Variants in LARGE1 observed in about 807,000 individuals in gnomAD.
LARGE1 encodes xylosyl- and glucuronyltransferase LARGE1.
In LARGE1, 43 loss-of-function variants were observed where a neutral mutation model predicts 87.6. That is an observed-to-expected ratio of 0.49 (90% CI 0.38 to 0.63). The LOEUF is 0.63. LARGE1 is among the 30% of genes least tolerant of loss of function. The probability of loss-of-function intolerance (pLI) is 0.00; values close to 1 mark genes in which losing one functional copy is unlikely to be tolerated. For synonymous variants in LARGE1, 434 were observed against 394.6 expected (o/e 1.10, Z -1.18); for missense variants, 802 against 1,000.2 (o/e 0.80, Z 2.67).
chr22:33,736,381 T>C (rs563481988), intron 2 of LARGE1, among the ~76,000 whole-genome samples: 13 of 152,332 alleles, frequency 8.5e-5, no homozygotes, highest in African/African-American at 3.1e-4. Context: ...ATTTCCCCAA[T>C]AACTAATGAT....
chr22:33,325,130 A>T (rs1937125764), intron 10 of LARGE1, among the ~76,000 whole-genome samples: 1 of 152,244 alleles, frequency 6.6e-6, no homozygotes, highest in African/African-American at 2.4e-5. Context: ...ACTCACTACA[A>T]TGCCTAGTTG....
At chr22:33,723,365 T>C (rs947929150) in intron 2 of LARGE1, among the ~76,000 whole-genome samples, 1 of 152,050 alleles carries the variant, frequency 6.6e-6, no homozygotes, top group Non-Finnish European at 1.5e-5. Flanking sequence ...CATCTTTCTT[T>C]CTCCCAAGAA....
the LARGE1 span, among the ~76,000 whole-genome samples, chr22:33,127,169 G>A: frequency 8.2e-4 from 125 of 152,266 alleles, no homozygotes; most frequent in African/African-American, 2.9e-3. Flanking sequence ...GAACGCATAG[G>A]AGCAAGTGAG....
chr22:33,520,265 G>T (rs1229853485), intron 6 of LARGE1, among the ~76,000 whole-genome samples: 1 of 151,918 alleles, frequency 6.6e-6, no homozygotes, highest in African/African-American at 2.4e-5. Flanking sequence ...GTACTGATGG[G>T]GGGTCTCACT....
At chr22:33,857,246 T>C (rs2063781746) in intron 1 of LARGE1, among the ~76,000 whole-genome samples, 2 of 152,186 alleles carry the variant, frequency 1.3e-5, no homozygotes, top group Admixed American at 6.5e-5. Context: ...TAAAGGTTCA[T>C]GGGGCAGACA....
rs187970150 is a variant in LARGE1 at position 33,915,118 on chromosome 22, C to G, written c.-83+4877G>C. Among the ~76,000 whole-genome samples the G allele has an allele frequency of 1.3e-3, 195 of 151,124 alleles. 1 individual carries two copies. The highest frequency in any genetic ancestry group is 4.6e-3 in the African/African-American group (188 of 41,162). On this transcript the variant is annotated intron_variant, in intron 1 of 14. Coordinates refer to ENST00000397394, the MANE Select transcript of LARGE1 (RefSeq NM_133642.5). ...CTGGCTGCTGTTTCTAAAAACTATA[C>G]TAAATATACCTGGCCCTGGAGACTG... is the stretch of plus-strand genomic sequence containing the variant.
At chr22:33,774,885 G>C (rs1397511083) in intron 1 of LARGE1, among the ~76,000 whole-genome samples, 1 of 152,172 alleles carries the variant, frequency 6.6e-6, no homozygotes, top group Non-Finnish European at 1.5e-5. Context: ...GGACTGTGCA[G>C]GTTTCAGTAT....
intron 12 of LARGE1, among the ~76,000 whole-genome samples, chr22:33,299,680 T>G (rs1352548605): frequency 6.6e-6 from 1 of 152,148 alleles, no homozygotes; most frequent in African/African-American, 2.4e-5. Flanking sequence ...GAGGCTATCA[T>G]TAGCTCCTAT....
intron 7 of LARGE1, among the ~76,000 whole-genome samples, chr22:33,393,696 G>C (rs1017948612): frequency 6.6e-6 from 1 of 152,150 alleles, no homozygotes; most frequent in Non-Finnish European, 1.5e-5. Context: ...CCTTGTCGTC[G>C]GGGTCTGGGA....
At chr22:33,797,862 C>T (rs1006825598) in intron 1 of LARGE1, among the ~76,000 whole-genome samples, 1 of 152,178 alleles carries the variant, frequency 6.6e-6, no homozygotes, top group Admixed American at 6.5e-5. Context: ...CCTAACCATC[C>T]CTCCTCGCCT....
chr22:33,080,286 T>C, the LARGE1 span, among the ~76,000 whole-genome samples: 1 of 152,324 alleles, frequency 6.6e-6, no homozygotes, highest in African/African-American at 2.4e-5. Flanking sequence ...TTGGTATATA[T>C]GTGTATTTGT....
At chr22:33,134,500 G>T in the LARGE1 span, among the ~76,000 whole-genome samples, 151 of 152,150 alleles carry the variant, frequency 9.9e-4, no homozygotes, top group African/African-American at 3.5e-3. Context: ...CTTGTGATCC[G>T]CCCGCCTCGG....
chr22:33,890,613 C>T (rs2064978709), intron 1 of LARGE1, among the ~76,000 whole-genome samples: 1 of 152,116 alleles, frequency 6.6e-6, no homozygotes, highest in Non-Finnish European at 1.5e-5. Context: ...GTTTCAAAAA[C>T]CAAGAATCAC....
intron 6 of LARGE1, among the ~76,000 whole-genome samples, chr22:33,521,235 A>C (rs923682705): frequency 1.3e-4 from 20 of 152,264 alleles, no homozygotes; most frequent in African/African-American, 4.8e-4. Context: ...AGTAATCCTC[A>C]CATGTAGTGG....
intron 4 of LARGE1, among the ~76,000 whole-genome samples, chr22:33,619,277 G>A (rs927151265): frequency 3.9e-5 from 6 of 152,050 alleles, no homozygotes; most frequent in African/African-American, 9.7e-5. Context: ...TAATGAGACC[G>A]GGCACAGTGG....
chr22:33,646,239 G>A (rs781115867), intron 3 of LARGE1, among the ~76,000 whole-genome samples: 8 of 152,192 alleles, frequency 5.3e-5, no homozygotes, highest in Non-Finnish European at 5.9e-5. Context: ...TATACACCAT[G>A]GAATACTATG....
At chr22:33,128,114 T>G in the LARGE1 span, among the ~76,000 whole-genome samples, 1 of 152,208 alleles carries the variant, frequency 6.6e-6, no homozygotes, top group Non-Finnish European at 1.5e-5. Flanking sequence ...TAAAAATAAT[T>G]GCTAGCTTTG....
intron 2 of LARGE1, among the ~76,000 whole-genome samples, chr22:33,695,217 C>T (rs1236833241): frequency 6.6e-6 from 1 of 151,506 alleles, no homozygotes; most frequent in Non-Finnish European, 1.5e-5. Context: ...GATTCTTGTG[C>T]CTCAGCCTCC....
the LARGE1 span, among the ~76,000 whole-genome samples, chr22:33,149,398 C>T: frequency 6.6e-6 from 1 of 152,162 alleles, no homozygotes; most frequent in East Asian, 1.9e-4. Context: ...TAAGGCCCAC[C>T]ATATTGGTCT....
Sources: gnomAD v4.1 joint callset for allele counts (sites outside exome capture counted in the v4.1 genomes callset) on GRCh38, gnomAD v4.1.1 for gene constraint, MANE v1.5 for transcripts, NCBI Gene and HGNC (gene_info 2026-07-23, HGNC 2026-07-21) for gene names.